The following SPOCK1 variants were observed in gnomAD, a reference collection of about 807,000 sequenced individuals.
SPOCK1 encodes the protein testican-1.
A neutral mutation model predicts 55.3 loss-of-function variants in SPOCK1; 23 were observed. That is an observed-to-expected ratio of 0.42 (90% CI 0.30 to 0.59). The LOEUF (loss-of-function observed/expected upper bound fraction) is 0.59, where lower values mean the gene tolerates loss of function less well. SPOCK1 is among the 20% of genes least tolerant of loss of function. The probability of loss-of-function intolerance (pLI) is 0.22; values close to 1 mark genes in which losing one functional copy is unlikely to be tolerated. For synonymous variants in SPOCK1, 226 were observed against 221.0 expected, an observed-to-expected ratio of 1.02 and a Z score of -0.20; for missense variants, 499 against 552.5, an observed-to-expected ratio of 0.90 and a Z score of 0.97.
At chr5:137,332,016 A>AAC (rs1266863975) in intron 2 of SPOCK1, among the ~76,000 whole-genome samples, 1 of 152,128 alleles carries the variant, frequency 6.6e-6, no homozygotes, top group Non-Finnish European at 1.5e-5. Flanking sequence ...CATTCAAAGT[A>AAC]ACACACACAC....
At chr5:137,384,531 C>CATATGT (rs1751556555) in intron 2 of SPOCK1, among the ~76,000 whole-genome samples, 2 of 149,660 alleles carry the variant, frequency 1.3e-5, no homozygotes, top group Non-Finnish European at 2.9e-5. Flanking sequence ...TGCATGCATG[C>CATATGT]ATATGTATAT....
At chr5:137,061,306 G>A (rs1039425833) in intron 6 of SPOCK1, among the ~76,000 whole-genome samples, 4 of 152,046 alleles carry the variant, frequency 2.6e-5, no homozygotes, top group South Asian at 4.1e-4. Context: ...CTTTTTCACC[G>A]CCTCCTGTTC....
chr5:137,022,619 C>A (rs1397219914), intron 6 of SPOCK1, among the ~76,000 whole-genome samples: 1 of 152,200 alleles, frequency 6.6e-6, no homozygotes, highest in Non-Finnish European at 1.5e-5. Context: ...TACTAAGTAG[C>A]TGCGTGCCTG....
chr5:136,992,361 G>C lies in SPOCK1; in HGVS notation c.706+123C>G, dbSNP rs1338271490. Reference sequence around the variant, plus strand: ...TTAATCCAACTTTTTTTTGAGATTGGGACATATTTAAAGTCAAAGTATATA... The same window carrying C: ...TTAATCCAACTTTTTTTTGAGATTGCGACATATTTAAAGTCAAAGTATATA... On this transcript the variant is annotated intron_variant, in intron 7 of 10. Coordinates refer to ENST00000394945, the MANE Select transcript of SPOCK1 (RefSeq NM_004598.4). The C allele has an allele frequency of 3.9e-6, 3 of 773,030 alleles. No homozygotes were observed. In the African/African-American group the frequency reaches 5.4e-5, roughly 14 times the overall value. 47.9% of individuals were successfully genotyped at this position (773,030 alleles called of 1,614,324 possible).
intron 3 of SPOCK1, among the ~76,000 whole-genome samples, chr5:137,260,853 A>T (rs1242690109): frequency 3.9e-5 from 6 of 152,238 alleles, no homozygotes; most frequent in Non-Finnish European, 8.8e-5. Flanking sequence ...AGAAGAAAAG[A>T]TGGCAGTGGG....
intron 3 of SPOCK1, among the ~76,000 whole-genome samples, chr5:137,192,186 T>G (rs867239382): frequency 8.1e-6 from 1 of 123,840 alleles, no homozygotes; most frequent in Admixed American, 1.0e-4. Context: ...TGAGCCGAGA[T>G]CACACCACTG....
At chr5:137,420,579 T>C (rs1484405118) in intron 2 of SPOCK1, among the ~76,000 whole-genome samples, 3 of 152,244 alleles carry the variant, frequency 2.0e-5, no homozygotes, top group Admixed American at 2.0e-4. Context: ...TCTAGTTTAT[T>C]TGCGTAGAGG....
chr5:137,330,792 T>C lies in SPOCK1; in HGVS notation c.187-63737A>G, dbSNP rs114918854. Among the ~76,000 whole-genome samples, 666 of 152,360 alleles carry C rather than the reference T, an allele frequency of 4.4e-3. 7 individuals carry two copies. The highest frequency in any genetic ancestry group is 0.014 in the African/African-American group (592 of 41,586). On this transcript the variant is annotated intron_variant, in intron 2 of 10. Transcript: ENST00000394945. ...AGTCCCACATTCACCTTGATAATTA[T>C]AGCTTTCATCTAAGGAAGTCACACA...
At chr5:137,491,334 A>G (rs559255970) in intron 2 of SPOCK1, among the ~76,000 whole-genome samples, 15 of 152,276 alleles carry the variant, frequency 9.9e-5, no homozygotes, top group African/African-American at 3.1e-4. Context: ...CTGCCTCTCA[A>G]CAGCACTGCA....
chr5:137,209,599 T>C (rs1227734195), intron 3 of SPOCK1, among the ~76,000 whole-genome samples: 1 of 152,240 alleles, frequency 6.6e-6, no homozygotes, highest in Non-Finnish European at 1.5e-5. Flanking sequence ...TAAATCAGAC[T>C]AACCACATAT....
At chr5:137,338,612 T>C (rs1203358162) in intron 2 of SPOCK1, among the ~76,000 whole-genome samples, 1 of 151,882 alleles carries the variant, frequency 6.6e-6, no homozygotes, top group Non-Finnish European at 1.5e-5. Flanking sequence ...CCACAATGGT[T>C]GAACTAGTTT....
At chr5:137,004,456 C>G (rs1406437795) in intron 6 of SPOCK1, among the ~76,000 whole-genome samples, 3 of 152,114 alleles carry the variant, frequency 2.0e-5, no homozygotes, top group Non-Finnish European at 4.4e-5. Flanking sequence ...GGTATAGTGA[C>G]TTGGCATGAA....
intron 2 of SPOCK1, among the ~76,000 whole-genome samples, chr5:137,470,668 A>G (rs1753721757): frequency 6.6e-6 from 1 of 152,200 alleles, no homozygotes; most frequent in Non-Finnish European, 1.5e-5. Flanking sequence ...CAAGCCCACC[A>G]AAGCCAGAAA....
At chr5:137,381,680 T>G (rs1025426477) in intron 2 of SPOCK1, among the ~76,000 whole-genome samples, 4 of 152,206 alleles carry the variant, frequency 2.6e-5, no homozygotes. Context: ...GGCTGGGATG[T>G]AGGGCGCCAT....
chr5:137,490,037 C>T (rs963305761), intron 2 of SPOCK1, among the ~76,000 whole-genome samples: 1 of 152,356 alleles, frequency 6.6e-6, no homozygotes. Context: ...CCATACTAGA[C>T]CATAAATGCC....
intron 6 of SPOCK1, among the ~76,000 whole-genome samples, chr5:137,010,780 C>T (rs1011973529): frequency 1.6e-4 from 24 of 152,076 alleles, no homozygotes; most frequent in African/African-American, 5.8e-4. Context: ...ACAGGAATTA[C>T]CAGGTACCTA....
At chr5:137,364,458 C>G (rs1751014284) in intron 2 of SPOCK1, among the ~76,000 whole-genome samples, 1 of 152,132 alleles carries the variant, frequency 6.6e-6, no homozygotes, top group Admixed American at 6.5e-5. Context: ...TTTTACACAG[C>G]CTTTGGATGG....
intron 3 of SPOCK1, among the ~76,000 whole-genome samples, chr5:137,175,094 G>A (rs1334823258): frequency 6.6e-6 from 1 of 152,110 alleles, no homozygotes; most frequent in Non-Finnish European, 1.5e-5. Flanking sequence ...AAAAAGAAAG[G>A]TGCCAAATGT....
chr5:137,022,582 C>T (rs777834087), intron 6 of SPOCK1, among the ~76,000 whole-genome samples: 3 of 152,180 alleles, frequency 2.0e-5, no homozygotes, highest in Non-Finnish European at 4.4e-5. Context: ...TCATGCAAGA[C>T]GCCCAGGATG....
Sources: gnomAD v4.1 joint callset for allele counts (sites outside exome capture counted in the v4.1 genomes callset) on GRCh38, gnomAD v4.1.1 for gene constraint, MANE v1.5 for transcripts, NCBI Gene and HGNC (gene_info 2026-07-23, HGNC 2026-07-21) for gene names.